SKAP2: variants seen among roughly 807,000 people sequenced by gnomAD.
SKAP2 encodes the protein src kinase-associated phosphoprotein 2.
In SKAP2, 28 loss-of-function variants were observed where a neutral mutation model predicts 54.9. The observed-to-expected ratio is 0.51, with a 90% CI of 0.38 to 0.70. The LOEUF (loss-of-function observed/expected upper bound fraction) is 0.70. SKAP2 is among the 30% of genes least tolerant of loss of function. The pLI, the probability that SKAP2 is intolerant of heterozygous loss-of-function variation, is 0.00. For missense variants in SKAP2, 356 were observed against 424.1 expected, an observed-to-expected ratio of 0.84 and a Z score of 1.41; for synonymous variants, 137 against 134.3, an observed-to-expected ratio of 1.02 and a Z score of -0.14.
At chr7:26,851,816 G>A (rs933866984) in intron 3 of SKAP2, among the ~76,000 whole-genome samples, 1 of 151,918 alleles carries the variant, frequency 6.6e-6, no homozygotes, top group Admixed American at 6.6e-5. Context: ...GGATTTGTGA[G>A]GGAAGTAAGG....
chr7:26,726,368 T>C (rs11976472), intron 7 of SKAP2, among the ~76,000 whole-genome samples: 1 of 152,088 alleles, frequency 6.6e-6, no homozygotes, highest in South Asian at 2.1e-4. Context: ...CCTGACAACT[T>C]AATTAACTGG....
At position 26,824,990 on chromosome 7, in the gene SKAP2, A is replaced by T. The variant is rs557387478; in HGVS notation, c.307+19040T>A. Reference sequence around the variant, plus strand: ...TTGTGGTTTTTATTTACCACATTATATGACGTTCTTTTTAAAGCCCCCTTG... The same window carrying T: ...TTGTGGTTTTTATTTACCACATTATTTGACGTTCTTTTTAAAGCCCCCTTG... On this transcript the variant is annotated intron_variant, in intron 4 of 12. Coordinates refer to ENST00000345317, the MANE Select transcript of SKAP2 (RefSeq NM_003930.5). Among the ~76,000 whole-genome samples the T allele has an allele frequency of 6.2e-4, 94 of 152,282 alleles. 1 individual carries two copies. Among genetic ancestry groups the T allele is most frequent in the African/African-American group, 2.1e-3 (89 of 41,554 alleles).
intron 4 of SKAP2, among the ~76,000 whole-genome samples, chr7:26,813,144 C>T (rs1275891431): frequency 6.6e-6 from 1 of 152,112 alleles, no homozygotes; most frequent in East Asian, 1.9e-4. Context: ...TAAATTTTCT[C>T]TAGCATTAAT....
intron 4 of SKAP2, among the ~76,000 whole-genome samples, chr7:26,765,594 G>A (rs779754114): frequency 1.3e-5 from 2 of 152,098 alleles, no homozygotes; most frequent in Non-Finnish European, 2.9e-5. Context: ...GGGTTTTTAT[G>A]GTGTTAGGTT....
At chr7:26,703,918 C>T (rs1787102151) in intron 9 of SKAP2, among the ~76,000 whole-genome samples, 1 of 152,142 alleles carries the variant, frequency 6.6e-6, no homozygotes, top group African/African-American at 2.4e-5. Context: ...CCTCCAGAGC[C>T]CAGGTTCTGA....
At chr7:26,842,484 A>C (rs2127995435) in intron 4 of SKAP2, among the ~76,000 whole-genome samples, 1 of 151,964 alleles carries the variant, frequency 6.6e-6, no homozygotes, top group South Asian at 2.1e-4. Flanking sequence ...TTAATTGTTG[A>C]ATTTCTTTTT....
At chr7:26,794,310 T>C (rs913906647) in intron 4 of SKAP2, among the ~76,000 whole-genome samples, 2 of 152,340 alleles carry the variant, frequency 1.3e-5, no homozygotes, top group African/African-American at 4.8e-5. Context: ...TAGCAATAAC[T>C]TAAGCATGCC....
intron 4 of SKAP2, among the ~76,000 whole-genome samples, chr7:26,808,976 C>T (rs763949768): frequency 4.6e-5 from 7 of 151,944 alleles, no homozygotes; most frequent in African/African-American, 1.2e-4. Context: ...AGTTTCTGTA[C>T]GGCAAAGGAA....
chr7:26,731,271 C>T (rs1787819587), intron 6 of SKAP2, among the ~76,000 whole-genome samples: 1 of 152,146 alleles, frequency 6.6e-6, no homozygotes, highest in Admixed American at 6.5e-5. Context: ...AGCAAGCACC[C>T]CAGGTGATTT....
chr7:26,808,623 A>C (rs975419951), intron 4 of SKAP2, among the ~76,000 whole-genome samples: 1 of 150,312 alleles, frequency 6.7e-6, no homozygotes, highest in Non-Finnish European at 1.5e-5. Flanking sequence ...TGTAAATTTC[A>C]TAATATGTGT....
chr7:26,823,006 C>T (rs1207354283), intron 4 of SKAP2, among the ~76,000 whole-genome samples: 8 of 152,044 alleles, frequency 5.3e-5, no homozygotes, highest in African/African-American at 9.7e-5. Flanking sequence ...GAGGAAGGCA[C>T]GTAGAAAGTC....
chr7:26,736,429 G>T (rs1386425725), intron 6 of SKAP2, among the ~76,000 whole-genome samples: 1 of 80,576 alleles, frequency 1.2e-5, no homozygotes, highest in Non-Finnish European at 2.5e-5. Context: ...ACCCTATATG[G>T]CTTAAAAAGG....
At chr7:26,843,504 G>A (rs1045987522) in intron 4 of SKAP2, among the ~76,000 whole-genome samples, 6 of 151,820 alleles carry the variant, frequency 4.0e-5, no homozygotes, top group Non-Finnish European at 7.4e-5. Context: ...CAATATTACT[G>A]CATAATATGG....
intron 4 of SKAP2, among the ~76,000 whole-genome samples, chr7:26,747,306 A>C (rs1327579687): frequency 5.9e-5 from 9 of 152,196 alleles, no homozygotes; most frequent in Admixed American, 3.9e-4. Context: ...GCTTTGACAT[A>C]AAGATGGTCA....
In SKAP2 at chr7:26,745,173, C is replaced by T. The variant is rs549488542; in HGVS notation, c.308-5209G>A. 1.6e-4 allele frequency among the ~76,000 whole-genome samples: 24 copies of T among 152,174 alleles called. No homozygotes were observed. The South Asian group carries it at 3.7e-3, about 24-fold the overall frequency. ...TTTCACATAGGGTAATTTTTCCTAC[C>T]ACCTACCCGACTAAAGTTTCCTTTT... On this transcript the variant is annotated intron_variant, in intron 4 of 12. Coordinates refer to ENST00000345317, the MANE Select transcript of SKAP2 (RefSeq NM_003930.5).
chr7:26,678,790 T>G (rs1786417779), intron 11 of SKAP2, among the ~76,000 whole-genome samples: 1 of 152,148 alleles, frequency 6.6e-6, no homozygotes, highest in Non-Finnish European at 1.5e-5. Context: ...CTGTCACTTA[T>G]CTATAATTTA....
At chr7:26,676,995 C>T (rs140073287) in intron 11 of SKAP2, among the ~76,000 whole-genome samples, 24 of 152,162 alleles carry the variant, frequency 1.6e-4, no homozygotes, top group Non-Finnish European at 2.6e-4. Context: ...AAGGTACAGG[C>T]GAAGATAAGG....
At chr7:26,761,565 G>A (rs1413055921) in intron 4 of SKAP2, among the ~76,000 whole-genome samples, 3 of 152,168 alleles carry the variant, frequency 2.0e-5, no homozygotes, top group Non-Finnish European at 2.9e-5. Context: ...ACTGAAGGAA[G>A]CTGAGGCACA....
At chr7:26,844,230 G>A (rs527940497) in intron 3 of SKAP2, 93 bp from the exon 4 acceptor site, 8 of 721,946 alleles carry the variant, frequency 1.1e-5, no homozygotes, top group East Asian at 2.6e-5. Context: ...TGTTAGAAGA[G>A]GTAAATTCTA....
Sources: gnomAD v4.1 joint callset for allele counts (sites outside exome capture counted in the v4.1 genomes callset) on GRCh38, gnomAD v4.1.1 for gene constraint, MANE v1.5 for transcripts, NCBI Gene and HGNC (gene_info 2026-07-23, HGNC 2026-07-21) for gene names.